Variants in ZPBP observed in about 807,000 individuals in gnomAD.
ZPBP encodes zona pellucida-binding protein 1.
In ZPBP, 26 loss-of-function variants were observed where a neutral mutation model predicts 44.8. The ratio of observed to expected loss-of-function variants is 0.58; its 90% CI spans 0.43 to 0.81. ZPBP has a LOEUF of 0.81. ZPBP is among the 30% of genes least tolerant of loss of function. The pLI, the probability that ZPBP is intolerant of heterozygous loss-of-function variation, is 0.00. For synonymous variants in ZPBP, 174 were observed against 153.2 expected (o/e 1.14, Z -1.00); for missense variants, 409 against 434.0 (o/e 0.94, Z 0.51).
At chr7:49,996,124 G>A (rs552143024) in intron 6 of ZPBP, among the ~76,000 whole-genome samples, 13 of 152,144 alleles carry the variant, frequency 8.5e-5, no homozygotes, top group South Asian at 2.1e-4. Flanking sequence ...CATGTATCCC[G>A]TCAATATGTA....
At chr7:49,944,247 T>G (rs140484258) in intron 7 of ZPBP, 1 of 363,518 alleles carries the variant, frequency 2.8e-6, no homozygotes, top group Non-Finnish European at 5.3e-6. Flanking sequence ...GAAGCCACCT[T>G]TGATTGATAT....
At chr7:49,974,866 C>T (rs568305506) in intron 7 of ZPBP, among the ~76,000 whole-genome samples, 1 of 78 alleles carries the variant, frequency 0.013, no homozygotes, top group South Asian at 0.5. Context: ...GGGAGCAGTT[C>T]TCAGGTCCCT....
chr7:50,073,067 A>G (rs7791993), intron 3 of ZPBP, among the ~76,000 whole-genome samples: 2,381 of 152,228 alleles, frequency 0.016, 74 homozygotes, highest in African/African-American at 0.054. Flanking sequence ...AAATAAACTA[A>G]ATACCAGGGA....
At chr7:50,000,215 T>C (rs550192500) in intron 6 of ZPBP, among the ~76,000 whole-genome samples, 1 of 152,304 alleles carries the variant, frequency 6.6e-6, no homozygotes, top group African/African-American at 2.4e-5. Context: ...TTTTAAGCCT[T>C]AGTAATTAAT....
At chr7:49,919,351 T>C (rs930307636) in intron 1 of ZPBP, 1 of 152,168 alleles carries the variant, frequency 6.6e-6, no homozygotes, top group African/African-American at 2.4e-5. Flanking sequence ...TCACATGCCA[T>C]TTTGAACTTT....
intron 1 of ZPBP, chr7:49,918,863 C>T (rs1460778243): frequency 1.3e-5 from 2 of 151,940 alleles, no homozygotes; most frequent in Non-Finnish European, 2.9e-5. Flanking sequence ...AGTTTGAGGC[C>T]AACCTGACCA....
chr7:50,057,923 C>T, intron 4 of ZPBP, 66 bp downstream of exon 4: 4 of 1,443,042 alleles, frequency 2.8e-6, no homozygotes, highest in East Asian at 2.3e-5. Flanking sequence ...GACAAGCCTA[C>T]TTAAACATAT....
At chr7:49,870,927 C>A (rs1791122712) in intron 2 of ZPBP, among the ~76,000 whole-genome samples, 2 of 152,134 alleles carry the variant, frequency 1.3e-5, no homozygotes, top group African/African-American at 4.8e-5. Context: ...TACGGAACTG[C>A]TCCAGGAAAT....
At chr7:49,869,262 G>T (rs1484067820) in intron 2 of ZPBP, among the ~76,000 whole-genome samples, 1 of 152,154 alleles carries the variant, frequency 6.6e-6, no homozygotes, top group Non-Finnish European at 1.5e-5. Flanking sequence ...TTAAGCCTTT[G>T]CAAAATACAC....
Position 50,020,798 on chromosome 7 carries a change from C to G in ZPBP, c.707-2482G>C, listed in dbSNP as rs554450887. 8.5e-4 allele frequency among the ~76,000 whole-genome samples: 130 copies of G among 152,088 alleles called. 4 individuals carry two copies. In the South Asian group the frequency reaches 0.026, roughly 30 times the overall value. On this transcript the variant is annotated intron_variant, in intron 5 of 7. Coordinates refer to ENST00000046087, the MANE Select transcript of ZPBP (RefSeq NM_007009.3). ...TTTTGTCAGAACTCCAGAAAATGAT[C>G]AAATGTTTACAACAACCAAGTGAAT...
At chr7:50,040,963 T>C in intron 4 of ZPBP, among the ~76,000 whole-genome samples, 1 of 152,240 alleles carries the variant, frequency 6.6e-6, no homozygotes, top group Non-Finnish European at 1.5e-5. Flanking sequence ...ATGCTCAAGC[T>C]TGGTGGGGGG....
intron 2 of ZPBP, among the ~76,000 whole-genome samples, chr7:49,851,854 TAA>T (rs77423510): frequency 3.7e-5 from 5 of 136,324 alleles, no homozygotes; most frequent in Admixed American, 7.3e-5. Context: ...AGACTCTGTC[TAA>T]AAAAAAAAAA....
chr7:49,915,440 A>G (rs1195425853), intron 1 of ZPBP: 1 of 152,250 alleles, frequency 6.6e-6, no homozygotes, highest in African/African-American at 2.4e-5. Context: ...TTTTAAGTTC[A>G]TAACATCAAT....
At chr7:50,017,041 G>A (rs1798849200) in intron 6 of ZPBP, among the ~76,000 whole-genome samples, 2 of 152,078 alleles carry the variant, frequency 1.3e-5, no homozygotes, top group South Asian at 4.1e-4. Context: ...GACTGGGAGG[G>A]TGGGGGATGG....
chr7:50,043,684 T>C (rs190417575), intron 4 of ZPBP, among the ~76,000 whole-genome samples: 12 of 152,182 alleles, frequency 7.9e-5, no homozygotes, highest in Admixed American at 6.5e-4. Context: ...AAGCAAGTTC[T>C]TAGAGACCTA....
At chr7:49,907,286 G>A (rs1041079192) in intron 1 of ZPBP, among the ~76,000 whole-genome samples, 2 of 152,198 alleles carry the variant, frequency 1.3e-5, no homozygotes, top group Non-Finnish European at 2.9e-5. Flanking sequence ...ATGAAGTGGA[G>A]AGGATAAATG....
intron 7 of ZPBP, among the ~76,000 whole-genome samples, chr7:49,941,731 A>C (rs897551025): frequency 1.3e-5 from 2 of 152,174 alleles, no homozygotes; most frequent in African/African-American, 4.8e-5. Context: ...ATTCAATGCA[A>C]TCTCTATCAA....
At chr7:49,959,273 A>AT (rs1795744931) in intron 7 of ZPBP, among the ~76,000 whole-genome samples, 1 of 151,216 alleles carries the variant, frequency 6.6e-6, no homozygotes, top group Non-Finnish European at 1.5e-5. Context: ...GCCAAAAAAA[A>AT]AAAAGGCACA....
At chr7:50,005,484 A>ATTACAGAGC (rs1798265522) in intron 6 of ZPBP, among the ~76,000 whole-genome samples, 1 of 152,084 alleles carries the variant, frequency 6.6e-6, no homozygotes, top group South Asian at 2.1e-4. Context: ...TGACATCAAA[A>ATTACAGAGC]TATGGGAAGG....
Sources: gnomAD v4.1 joint callset for allele counts (sites outside exome capture counted in the v4.1 genomes callset) on GRCh38, gnomAD v4.1.1 for gene constraint, MANE v1.5 for transcripts, NCBI Gene and HGNC (gene_info 2026-07-23, HGNC 2026-07-21) for gene names.